Variants in PHACTR4 observed in about 807,000 individuals in gnomAD.
PHACTR4 encodes the protein protein phosphatase 1, regulatory subunit 124.
In PHACTR4, 51 loss-of-function variants were observed where a neutral mutation model predicts 72.7. The observed-to-expected ratio is 0.70, with a 90% CI of 0.56 to 0.89. The LOEUF (loss-of-function observed/expected upper bound fraction) is 0.89, where lower values mean the gene tolerates loss of function less well. PHACTR4 is among the 40% of genes least tolerant of loss of function. The probability of loss-of-function intolerance (pLI) is 0.00; values close to 1 mark genes in which losing one functional copy is unlikely to be tolerated. For synonymous variants in PHACTR4, 255 were observed against 302.5 expected (o/e 0.84, Z 1.63); for missense variants, 731 against 861.8 (o/e 0.85, Z 1.90).
At position 28,468,599 on chromosome 1, in the gene PHACTR4, AAAG is replaced by A. The variant is rs1024609966; in HGVS notation, c.823+1838_823+1840del. On this transcript the variant is annotated intron_variant, in intron 6 of 13. Transcript: ENST00000373839. ...AAGAGCAAAACTCCATCTCAAAAAAAAAGAAGAAGGTTGTAGTTAGTGAAAGAT... is the reference window on the plus strand; with the variant it reads ...AAGAGCAAAACTCCATCTCAAAAAAAAAGAAGGTTGTAGTTAGTGAAAGAT... Among the ~76,000 whole-genome samples the A allele has an allele frequency of 7.0e-4, 107 of 152,316 alleles. 1 individual carries two copies. Among genetic ancestry groups the A allele is most frequent in the Non-Finnish European group, 1.2e-3 (81 of 68,032 alleles).
intron 2 of PHACTR4, among the ~76,000 whole-genome samples, chr1:28,429,104 A>G (rs1656062316): frequency 6.6e-6 from 1 of 152,242 alleles, no homozygotes; most frequent in African/African-American, 2.4e-5. Flanking sequence ...TGAGCTAGCC[A>G]CATAAATAAA....
At chr1:28,379,087 G>A (rs1651927676) in intron 1 of PHACTR4, among the ~76,000 whole-genome samples, 1 of 152,080 alleles carries the variant, frequency 6.6e-6, no homozygotes, top group African/African-American at 2.4e-5. Flanking sequence ...CTGCTGAGTA[G>A]CTGGGACTAC....
intron 1 of PHACTR4, among the ~76,000 whole-genome samples, chr1:28,406,168 G>T (rs978327959): frequency 1.3e-5 from 2 of 152,020 alleles, no homozygotes; most frequent in African/African-American, 4.8e-5. Context: ...AAGCAAGGAG[G>T]TCACTCAGAA....
At chr1:28,383,875 G>A (rs1056689944) in intron 1 of PHACTR4, among the ~76,000 whole-genome samples, 5 of 152,056 alleles carry the variant, frequency 3.3e-5, no homozygotes, top group Admixed American at 6.6e-5. Flanking sequence ...ACGTGCAGTG[G>A]TATTGAATTT....
intron 2 of PHACTR4, among the ~76,000 whole-genome samples, chr1:28,457,067 T>C (rs1379277651): frequency 6.6e-6 from 1 of 152,178 alleles, no homozygotes; most frequent in Non-Finnish European, 1.5e-5. Context: ...TCTTTTGCAC[T>C]TTAGTAATGA....
At chr1:28,389,141 T>G (rs371708157) in intron 1 of PHACTR4, among the ~76,000 whole-genome samples, 1 of 125,738 alleles carries the variant, frequency 8.0e-6, no homozygotes, top group Non-Finnish European at 1.6e-5. Context: ...GGAAAAGTTA[T>G]GAGGAACTCA....
At chr1:28,436,751 T>C (rs563817184) in intron 2 of PHACTR4, among the ~76,000 whole-genome samples, 18 of 152,310 alleles carry the variant, frequency 1.2e-4, no homozygotes, top group African/African-American at 4.3e-4. Context: ...GTATCCTTAA[T>C]ATTTATGTAC....
intron 4 of PHACTR4, among the ~76,000 whole-genome samples, chr1:28,463,549 A>G (rs1331249855): frequency 6.6e-6 from 1 of 152,214 alleles, no homozygotes; most frequent in East Asian, 1.9e-4. Context: ...TTGCTTCAGT[A>G]TTCTAGAAAA....
rs779429139 is a variant in PHACTR4 at position 28,460,200 on chromosome 1, A to G, written c.191-12A>G. 6.2e-7 allele frequency: 1 copy of G among 1,603,594 alleles called. No homozygotes were observed. Among genetic ancestry groups the G allele is most frequent in the Admixed American group, 1.7e-5 (1 of 59,654 alleles). On this transcript the variant is annotated splice_polypyrimidine_tract_variant and intron_variant, in intron 3 of 13. Transcript: ENST00000373839. ...TCACATTTCTGAGTGCCATTTTCCA[A>G]TTTAATGTTAGTTTTAGAACGGAAA...
intron 1 of PHACTR4, among the ~76,000 whole-genome samples, chr1:28,394,491 A>G (rs546386347): frequency 7.2e-5 from 11 of 152,070 alleles, no homozygotes; most frequent in South Asian, 2.1e-4. Flanking sequence ...GGATCTTGCT[A>G]TGTTGCCTGG....
chr1:28,373,348 T>G (rs1651392887), intron 1 of PHACTR4, among the ~76,000 whole-genome samples: 1 of 152,142 alleles, frequency 6.6e-6, no homozygotes, highest in South Asian at 2.1e-4. Flanking sequence ...TGAAGTGCAA[T>G]GGCACGATCT....
intron 3 of PHACTR4, among the ~76,000 whole-genome samples, chr1:28,459,905 A>G (rs992556711): frequency 6.6e-6 from 1 of 152,172 alleles, no homozygotes; most frequent in Non-Finnish European, 1.5e-5. Context: ...ATACATACAT[A>G]AATAAAATGC....
chr1:28,469,424 G>A (rs1659421936), intron 6 of PHACTR4, among the ~76,000 whole-genome samples: 1 of 152,158 alleles, frequency 6.6e-6, no homozygotes, highest in Admixed American at 6.5e-5. Context: ...GGGTGAAAGG[G>A]AATTATTACC....
At chr1:28,407,647 C>T (rs183213828) in intron 2 of PHACTR4, among the ~76,000 whole-genome samples, 184 bp downstream of exon 2, 3 of 152,100 alleles carry the variant, frequency 2.0e-5, no homozygotes, top group African/African-American at 7.2e-5. Context: ...TGCCAATTAC[C>T]TTTTGTTTAT....
chr1:28,407,373 T>G (rs748910320), intron 1 of PHACTR4, 37 bp from the exon 2 acceptor site: 13 of 1,118,868 alleles, frequency 1.2e-5, no homozygotes, highest in South Asian at 6.8e-5. Context: ...ATGGACTATA[T>G]GTATTAAGTG....
At chr1:28,428,568 C>T (rs1020069689) in intron 2 of PHACTR4, among the ~76,000 whole-genome samples, 4 of 152,166 alleles carry the variant, frequency 2.6e-5, no homozygotes, top group South Asian at 2.1e-4. Context: ...CAGTTTCTCT[C>T]GCTAATAAAA....
chr1:28,438,355 T>A, intron 2 of PHACTR4: 8 of 1,604,764 alleles, frequency 5.0e-6, no homozygotes, highest in Non-Finnish European at 6.0e-6. Flanking sequence ...GGACAGTTTG[T>A]TGTCGTGAGA....
chr1:28,392,046 G>A (rs1472641741), intron 1 of PHACTR4, among the ~76,000 whole-genome samples: 1 of 152,090 alleles, frequency 6.6e-6, no homozygotes, highest in Non-Finnish European at 1.5e-5. Flanking sequence ...ATACAGTAGC[G>A]CTCCCCCTTA....
chr1:28,438,182 GT>G, intron 2 of PHACTR4: 1 of 1,302,150 alleles, frequency 7.7e-7, no homozygotes, highest in Non-Finnish European at 9.8e-7. Context: ...TGTGAAGACA[GT>G]TTTGTAAGAA....
Sources: allele counts gnomAD v4.1 joint callset (sites outside exome capture counted in the v4.1 genomes callset), GRCh38; gene constraint gnomAD v4.1.1; transcripts MANE v1.5; gene names NCBI Gene and HGNC (gene_info 2026-07-23, HGNC 2026-07-21).